MND1: variants seen among roughly 807,000 people sequenced by gnomAD.
MND1 encodes meiotic nuclear divisions 1.
A neutral mutation model predicts 35.1 loss-of-function variants in MND1; 28 were observed. The observed-to-expected ratio is 0.80, with a 90% CI of 0.59 to 1.09. The LOEUF is 1.09. Among genes scored for constraint, MND1 ranks in the 50% least tolerant of loss-of-function variants. MND1 has a pLI of 0.00. For missense variants in MND1, 213 were observed against 239.6 expected (o/e 0.89, Z 0.73); for synonymous variants, 69 against 70.5 (o/e 0.98, Z 0.11).
intron 4 of MND1, among the ~76,000 whole-genome samples, chr4:153,364,951 CAAAT>C (rs1773591239): frequency 6.6e-6 from 1 of 152,158 alleles, no homozygotes; most frequent in Non-Finnish European, 1.5e-5. Flanking sequence ...CATAAAAAGA[CAAAT>C]ACTCTATGAT....
intron 1 of MND1, among the ~76,000 whole-genome samples, chr4:153,345,970 T>C (rs1015995259): frequency 1.8e-4 from 28 of 152,098 alleles, no homozygotes; most frequent in Admixed American, 1.6e-3. Context: ...TCTATCTCTC[T>C]ACACATGAAT....
At chr4:153,393,840 T>C (rs1729117271) in intron 4 of MND1, among the ~76,000 whole-genome samples, 1 of 151,868 alleles carries the variant, frequency 6.6e-6, no homozygotes, top group African/African-American at 2.4e-5. Context: ...CTTTTTTTTT[T>C]TCAATGTACC....
chr4:153,414,947 C>T lies in MND1; in HGVS notation c.*90C>T, dbSNP rs933624233. ...CTAAGTGTACTGAATTGTCGTTTGCCTGTAACTGTGTTTATCATTTTATTA... is the reference window on the plus strand; with the variant it reads ...CTAAGTGTACTGAATTGTCGTTTGCTTGTAACTGTGTTTATCATTTTATTA... On this transcript the variant is annotated 3_prime_UTR_variant, in exon 8 of 8. Coordinates refer to ENST00000240488, the MANE Select transcript of MND1 (RefSeq NM_032117.4). The T allele has an allele frequency of 3.6e-5, 19 of 527,194 alleles. No individual in the cohort carries two copies. The highest frequency in any genetic ancestry group is 5.7e-5 in the Non-Finnish European group (17 of 300,116). The allele number at this position is 527,194 out of a possible 1,614,324, so 32.7% of individuals were successfully genotyped here. A position where few individuals can be genotyped will look rare whatever the true frequency, so the allele number is the denominator to read the frequency against.
intron 4 of MND1, among the ~76,000 whole-genome samples, chr4:153,381,310 G>T (rs1442202134): frequency 6.6e-6 from 1 of 151,890 alleles, no homozygotes; most frequent in Admixed American, 6.6e-5. Flanking sequence ...GAAGCTATTT[G>T]GTAGATGAAC....
chr4:153,356,203 A>G (rs1311200125), intron 3 of MND1, among the ~76,000 whole-genome samples: 1 of 152,084 alleles, frequency 6.6e-6, no homozygotes, highest in Admixed American at 6.6e-5. Flanking sequence ...GCATCCTTCT[A>G]CATATCTATT....
intron 7 of MND1, among the ~76,000 whole-genome samples, chr4:153,412,907 C>T (rs369858471): frequency 3.3e-5 from 5 of 150,992 alleles, no homozygotes; most frequent in Non-Finnish European, 7.4e-5. Flanking sequence ...CGGGTTCAAG[C>T]GATTCCCCTG....
At position 153,359,316 on chromosome 4, in the gene MND1, C is replaced by G. The variant is rs545762233; in HGVS notation, c.276+694C>G. On this transcript the variant is annotated intron_variant, in intron 4 of 7. Coordinates refer to ENST00000240488, the MANE Select transcript of MND1 (RefSeq NM_032117.4). ...AACCTTTTCAGATTGGCTTCCTTCC[C>G]TTAACAAAATGCATTTGAGGTTTCT... 4.6e-5 allele frequency among the ~76,000 whole-genome samples: 7 copies of G among 152,278 alleles called. No individual in the cohort carries two copies. In the South Asian group the frequency reaches 1.5e-3, roughly 32 times the overall value.
At chr4:153,352,368 A>G (rs1257943330) in intron 2 of MND1, among the ~76,000 whole-genome samples, 1 of 152,174 alleles carries the variant, frequency 6.6e-6, no homozygotes, top group Non-Finnish European at 1.5e-5. Context: ...TAGGAAGAAC[A>G]TGAGAACAGT....
intron 6 of MND1, among the ~76,000 whole-genome samples, chr4:153,402,268 A>C (rs574670867): frequency 6.6e-6 from 1 of 152,358 alleles, no homozygotes; most frequent in South Asian, 2.1e-4. Flanking sequence ...GTGACCAGAT[A>C]AAACATGTTA....
chr4:153,410,197 C>CT (rs777414145), intron 7 of MND1, among the ~76,000 whole-genome samples: 2 of 152,190 alleles, frequency 1.3e-5, no homozygotes, highest in African/African-American at 2.4e-5. Flanking sequence ...AAATACTCCC[C>CT]TTTTCCTTTT....
chr4:153,412,641 C>G (rs1014930715), intron 7 of MND1, among the ~76,000 whole-genome samples: 1 of 146,644 alleles, frequency 6.8e-6, no homozygotes, highest in Non-Finnish European at 1.5e-5. Flanking sequence ...CACCACCATG[C>G]CCGGCTAATT....
intron 4 of MND1, among the ~76,000 whole-genome samples, chr4:153,382,811 A>G (rs1469638174): frequency 1.3e-5 from 2 of 152,208 alleles, no homozygotes; most frequent in Non-Finnish European, 2.9e-5. Flanking sequence ...GTAATTAAAC[A>G]ATATTTTCAT....
At chr4:153,413,689 A>G (rs1481895506) in intron 7 of MND1, among the ~76,000 whole-genome samples, 12 of 96,984 alleles carry the variant, frequency 1.2e-4, no homozygotes, top group South Asian at 8.4e-4. Context: ...CTCAAGGGGA[A>G]AAAAAAAAAA....
At chr4:153,391,581 G>T (rs1480301025) in intron 4 of MND1, among the ~76,000 whole-genome samples, 3 of 151,650 alleles carry the variant, frequency 2.0e-5, no homozygotes, top group African/African-American at 7.3e-5. Context: ...CAAAAAATTC[G>T]TCGGATGTGG....
chr4:153,409,115 G>A (rs771753808), intron 7 of MND1, 100 bp downstream of exon 7: 1 of 581,404 alleles, frequency 1.7e-6, no homozygotes, highest in Admixed American at 3.4e-5. Context: ...TTCAAGAAAG[G>A]ACGTTAATGA....
In MND1 at chr4:153,344,705, G is replaced by C; in HGVS notation, c.-33G>C. ...TGTCCCGCCCCTCTCCCCAAGCGCGGGCCCGGCCAGCGGAAGCCCCTGCGC... is the reference window on the plus strand; with the variant it reads ...TGTCCCGCCCCTCTCCCCAAGCGCGCGCCCGGCCAGCGGAAGCCCCTGCGC... On this transcript the variant is annotated 5_prime_UTR_variant, in exon 1 of 8. Coordinates refer to ENST00000240488, the MANE Select transcript of MND1 (RefSeq NM_032117.4). 6.3e-7 allele frequency: 1 copy of C among 1,578,980 alleles called. No individual in the cohort carries two copies. Among genetic ancestry groups the C allele is most frequent in the Non-Finnish European group, 8.6e-7 (1 of 1,165,800 alleles).
chr4:153,362,823 G>GT (rs1301455013), intron 4 of MND1, among the ~76,000 whole-genome samples: 6 of 151,748 alleles, frequency 4.0e-5, no homozygotes, highest in Non-Finnish European at 2.9e-5. Context: ...GTTTAGGCTT[G>GT]TTTTTTTTAG....
chr4:153,372,711 G>T (rs1773820529), intron 4 of MND1, among the ~76,000 whole-genome samples: 1 of 152,152 alleles, frequency 6.6e-6, no homozygotes, highest in African/African-American at 2.4e-5. Flanking sequence ...ATGGCATCAT[G>T]CCGTAGTGTG....
intron 4 of MND1, among the ~76,000 whole-genome samples, chr4:153,366,065 A>G (rs898839846): frequency 6.6e-6 from 1 of 152,174 alleles, no homozygotes; most frequent in Non-Finnish European, 1.5e-5. Context: ...GCTCTCTGGG[A>G]TAATCTTCCT....
Sources: allele counts gnomAD v4.1 joint callset (sites outside exome capture counted in the v4.1 genomes callset), GRCh38; gene constraint gnomAD v4.1.1; transcripts MANE v1.5; gene names NCBI Gene and HGNC (gene_info 2026-07-23, HGNC 2026-07-21).